PITPNC1: variants seen among roughly 807,000 people sequenced by gnomAD.
The protein encoded by PITPNC1 is phosphatidylinositol transfer protein cytoplasmic 1, also known as cytoplasmic phosphatidylinositol transfer protein 1.
PITPNC1 carries 18 observed loss-of-function variants against 44.7 expected under a neutral mutation model. The observed-to-expected ratio is 0.40, with a 90% CI of 0.28 to 0.60. The LOEUF is 0.60. PITPNC1 is among the 20% of genes least tolerant of loss of function. PITPNC1 has a pLI of 0.39. For synonymous variants in PITPNC1, 141 were observed against 149.6 expected (o/e 0.94, Z 0.42); for missense variants, 290 against 418.4 (o/e 0.69, Z 2.68).
At position 67,387,396 on chromosome 17, in the gene PITPNC1, C is replaced by T. The variant is rs1405566424; in HGVS notation, c.48+9194C>T. On this transcript the variant is annotated intron_variant, in intron 1 of 8. Transcript: ENST00000581322. ...CATCTAAATCTCTGGCCAGGCACAG[C>T]GGCTCACGCCTGTAATCCCAGCACT... Among the ~76,000 whole-genome samples, 5 of 152,136 alleles carry T rather than the reference C, an allele frequency of 3.3e-5. No individual in the cohort carries two copies. The South Asian group carries it at 8.3e-4, about 25-fold the overall frequency.
At chr17:67,589,515 T>C (rs943169470) in intron 5 of PITPNC1, among the ~76,000 whole-genome samples, 2 of 151,880 alleles carry the variant, frequency 1.3e-5, no homozygotes, top group African/African-American at 4.8e-5. Context: ...CTGAATCATG[T>C]TGGGAAACTG....
At chr17:67,541,051 C>G (rs1011993635) in intron 2 of PITPNC1, among the ~76,000 whole-genome samples, 1 of 151,914 alleles carries the variant, frequency 6.6e-6, no homozygotes, top group Non-Finnish European at 1.5e-5. Context: ...ACCCTGCCTG[C>G]TAAAAATGCA....
rs1279008929 is a variant in PITPNC1 at position 67,675,612 on chromosome 17, T to C, written c.682+70T>C. ...GTCTCGGGCTTTCTGTCCATTTGGC[T>C]TCAACTGCTACCTAGAAGGACAACA... On this transcript the variant is annotated intron_variant, in intron 8 of 8. Coordinates refer to ENST00000581322, the MANE Select transcript of PITPNC1 (RefSeq NM_012417.4). 7.7e-6 allele frequency: 8 copies of C among 1,034,976 alleles called. No homozygotes were observed. In the East Asian group the frequency reaches 1.7e-4, roughly 21 times the overall value. 64.1% of individuals were successfully genotyped at this position (1,034,976 alleles called of 1,614,324 possible). A position where few individuals can be genotyped will look rare whatever the true frequency, so the allele number is the denominator to read the frequency against.
At chr17:67,469,021 G>A (rs1039535417) in intron 1 of PITPNC1, among the ~76,000 whole-genome samples, 1 of 152,202 alleles carries the variant, frequency 6.6e-6, no homozygotes, top group Non-Finnish European at 1.5e-5. Flanking sequence ...CAGCCACTGC[G>A]CCTGGCCCAG....
In PITPNC1 at chr17:67,694,679, AGT is replaced by A. The variant is rs2144489982; in HGVS notation, c.*1794_*1795del. 2 of 152,370 alleles carry A rather than the reference AGT, an allele frequency of 1.3e-5. No individual in the cohort carries two copies. Among genetic ancestry groups the A allele is most frequent in the Admixed American group, 1.3e-4 (2 of 15,312 alleles). 9.4% of individuals were successfully genotyped at this position (152,370 alleles called of 1,614,324 possible). On this transcript the variant is annotated 3_prime_UTR_variant, in exon 9 of 9. Transcript: ENST00000581322. ...CCTGTTGCAAATAGCTTAGATCAAC[AGT>A]GTATCTCTTCCCTAAGAATGATAGT...
intron 4 of PITPNC1, among the ~76,000 whole-genome samples, chr17:67,575,815 T>C (rs867465798): frequency 2.6e-3 from 263 of 101,166 alleles, no homozygotes; most frequent in African/African-American, 7.3e-3. Flanking sequence ...TCTTTCTTTC[T>C]TTCTTTCCTT....
At chr17:67,513,627 T>C (rs2040220819) in intron 1 of PITPNC1, among the ~76,000 whole-genome samples, 1 of 151,064 alleles carries the variant, frequency 6.6e-6, no homozygotes, top group Admixed American at 6.6e-5. Context: ...GTTCTAGGAG[T>C]CACTAAGGGC....
chr17:67,517,048 G>A (rs2040268234), intron 1 of PITPNC1, among the ~76,000 whole-genome samples: 1 of 152,162 alleles, frequency 6.6e-6, no homozygotes, highest in Admixed American at 6.5e-5. Flanking sequence ...ATTTGGACAC[G>A]ATGTCTTAGC....
At chr17:67,550,578 A>G (rs1201314651) in intron 2 of PITPNC1, among the ~76,000 whole-genome samples, 1 of 151,992 alleles carries the variant, frequency 6.6e-6, no homozygotes, top group Non-Finnish European at 1.5e-5. Context: ...CTTGGAATTC[A>G]AAACCGCTTC....
chr17:67,650,389 TTCA>T (rs2042196339), intron 6 of PITPNC1, among the ~76,000 whole-genome samples: 1 of 151,644 alleles, frequency 6.6e-6, no homozygotes, highest in South Asian at 2.1e-4. Flanking sequence ...CTCATTTGCT[TTCA>T]TCTTCTCCCC....
At chr17:67,542,640 C>T (rs185091670) in intron 2 of PITPNC1, among the ~76,000 whole-genome samples, 22 of 152,174 alleles carry the variant, frequency 1.4e-4, no homozygotes, top group Non-Finnish European at 5.9e-5. Context: ...TTGGACCGGC[C>T]GTAACTAAGA....
chr17:67,407,849 A>G (rs1038025677), intron 1 of PITPNC1, among the ~76,000 whole-genome samples: 3 of 152,166 alleles, frequency 2.0e-5, no homozygotes, highest in African/African-American at 4.8e-5. Context: ...TTTACATCAG[A>G]TAGGCAATGT....
At chr17:67,467,172 A>G (rs1225208211) in intron 1 of PITPNC1, among the ~76,000 whole-genome samples, 2 of 149,394 alleles carry the variant, frequency 1.3e-5, no homozygotes, top group Admixed American at 6.9e-5. Context: ...CAGCCTCCCA[A>G]GTAGCTGGGA....
chr17:67,550,407 G>T (rs934021714), intron 2 of PITPNC1, among the ~76,000 whole-genome samples: 2 of 145,356 alleles, frequency 1.4e-5, no homozygotes, highest in African/African-American at 4.9e-5. Flanking sequence ...CAAAAGCCAG[G>T]CCTGGTTACT....
intron 8 of PITPNC1, among the ~76,000 whole-genome samples, chr17:67,683,837 G>A (rs1213853042): frequency 6.6e-6 from 1 of 151,858 alleles, no homozygotes; most frequent in African/African-American, 2.4e-5. Context: ...AATCAGCCGG[G>A]CGTGGTGGCA....
chr17:67,382,039 A>T (rs2037969061), intron 1 of PITPNC1, among the ~76,000 whole-genome samples: 1 of 152,194 alleles, frequency 6.6e-6, no homozygotes, highest in Non-Finnish European at 1.5e-5. Context: ...GCCAAGCCAG[A>T]AGGAGAGCAT....
At chr17:67,681,549 C>G (rs944143865) in intron 8 of PITPNC1, among the ~76,000 whole-genome samples, 11 of 135,588 alleles carry the variant, frequency 8.1e-5, no homozygotes, top group Non-Finnish European at 1.5e-5. Flanking sequence ...GTCAAGGCTG[C>G]AGGGAACTAT....
At chr17:67,436,832 G>A (rs2038943117) in intron 1 of PITPNC1, among the ~76,000 whole-genome samples, 1 of 150,644 alleles carries the variant, frequency 6.6e-6, no homozygotes, top group African/African-American at 2.4e-5. Context: ...GTCTTCTGTA[G>A]CAGGTTGAAT....
intron 1 of PITPNC1, among the ~76,000 whole-genome samples, chr17:67,387,888 CTT>C (rs1200450243): frequency 6.6e-6 from 1 of 152,092 alleles, no homozygotes; most frequent in African/African-American, 2.4e-5. Context: ...CACACTAAGT[CTT>C]TGAAATCAGG....
Sources: gnomAD v4.1 joint callset for allele counts (sites outside exome capture counted in the v4.1 genomes callset) on GRCh38, gnomAD v4.1.1 for gene constraint, MANE v1.5 for transcripts, NCBI Gene and HGNC (gene_info 2026-07-23, HGNC 2026-07-21) for gene names.